POU2F1: variants seen among roughly 807,000 people sequenced by gnomAD.
POU2F1 encodes POU domain, class 2, transcription factor 1.
POU2F1 carries 16 observed loss-of-function variants against 84.9 expected under a neutral mutation model. The observed-to-expected ratio is 0.19, with a 90% CI of 0.13 to 0.29. The LOEUF (loss-of-function observed/expected upper bound fraction) is 0.29. POU2F1 is among the 10% of genes least tolerant of loss of function. The pLI is 1.00. For missense variants in POU2F1, 738 were observed against 942.6 expected (o/e 0.78, Z 2.84); for synonymous variants, 368 against 368.3 (o/e 1.00, Z 0.01).
intron 1 of POU2F1, among the ~76,000 whole-genome samples, chr1:167,285,142 G>A (rs1036937978): frequency 2.0e-5 from 3 of 152,160 alleles, no homozygotes; most frequent in African/African-American, 7.2e-5. Context: ...AGGACAATCA[G>A]CCTGAATCTT....
chr1:167,331,291 A>AT (rs1406389860), intron 1 of POU2F1, among the ~76,000 whole-genome samples: 13 of 151,842 alleles, frequency 8.6e-5, no homozygotes, highest in Non-Finnish European at 1.9e-4. Context: ...AAGACTCCTG[A>AT]TTTTTTTTCT....
chr1:167,293,671 A>G (rs755943291), intron 1 of POU2F1, among the ~76,000 whole-genome samples: 1 of 152,198 alleles, frequency 6.6e-6, no homozygotes, highest in Non-Finnish European at 1.5e-5. Context: ...AAAAAGAACA[A>G]ATCTGGAGGC....
At chr1:167,332,569 T>C in intron 2 of POU2F1, 34 bp downstream of exon 2, 2 of 1,513,104 alleles carry the variant, frequency 1.3e-6, no homozygotes, top group Non-Finnish European at 1.8e-6. Flanking sequence ...TTTAATTAAC[T>C]CTAGTAGAGC....
chr1:167,383,985 A>T (rs1182047428), intron 8 of POU2F1, 34 bp downstream of exon 8: 1 of 1,531,254 alleles, frequency 6.5e-7, no homozygotes, highest in Non-Finnish European at 8.9e-7. Flanking sequence ...GCTTTCTCTT[A>T]TCATATTGTT....
chr1:167,376,179 T>G, intron 7 of POU2F1, 24 bp downstream of exon 7: 1 of 1,613,262 alleles, frequency 6.2e-7, no homozygotes, highest in Non-Finnish European at 8.5e-7. Context: ...TAGAGCTTAT[T>G]AGTGGTATAC....
intron 1 of POU2F1, among the ~76,000 whole-genome samples, chr1:167,271,438 A>G (rs1192883245): frequency 1.3e-5 from 2 of 152,228 alleles, no homozygotes; most frequent in African/African-American, 2.4e-5. Flanking sequence ...TTAAAATTCA[A>G]TGATGGTTGA....
chr1:167,315,433 A>T (rs1218078243), intron 1 of POU2F1, among the ~76,000 whole-genome samples: 2 of 152,116 alleles, frequency 1.3e-5, no homozygotes, highest in Non-Finnish European at 2.9e-5. Context: ...TTAATAACCT[A>T]AAACTTAGAA....
At chr1:167,287,334 G>A (rs1653601180) in intron 1 of POU2F1, among the ~76,000 whole-genome samples, 1 of 152,168 alleles carries the variant, frequency 6.6e-6, no homozygotes, top group Non-Finnish European at 1.5e-5. Context: ...TGCCTCAACT[G>A]GAGCAGAGGC....
At chr1:167,294,197 A>G (rs1202862996) in intron 1 of POU2F1, among the ~76,000 whole-genome samples, 1 of 149,200 alleles carries the variant, frequency 6.7e-6, no homozygotes, top group African/African-American at 2.5e-5. Flanking sequence ...AAAAAAAAAA[A>G]AATTAGCCAG....
At chr1:167,323,368 G>A (rs1656458709) in intron 1 of POU2F1, among the ~76,000 whole-genome samples, 1 of 152,174 alleles carries the variant, frequency 6.6e-6, no homozygotes, top group African/African-American at 2.4e-5. Flanking sequence ...TTTAAAGAAT[G>A]CCAGATTGTT....
chr1:167,338,680 C>T (rs1486907984), intron 2 of POU2F1, among the ~76,000 whole-genome samples: 2 of 152,250 alleles, frequency 1.3e-5, no homozygotes. Flanking sequence ...CCCCATTCTT[C>T]CCTCTCCTCC....
intron 1 of POU2F1, among the ~76,000 whole-genome samples, chr1:167,233,011 A>G (rs1362931432): frequency 1.3e-5 from 2 of 152,066 alleles, no homozygotes; most frequent in Non-Finnish European, 2.9e-5. Context: ...TCATTGACTC[A>G]CCCAAAGCAA....
intron 13 of POU2F1, among the ~76,000 whole-genome samples, chr1:167,403,020 A>G (rs1273213241): frequency 6.6e-6 from 1 of 152,220 alleles, no homozygotes; most frequent in Non-Finnish European, 1.5e-5. Flanking sequence ...AATTTTAGAG[A>G]GATTTTAATA....
chr1:167,312,237 AT>A (rs71572443), intron 1 of POU2F1, among the ~76,000 whole-genome samples: 107 of 132,704 alleles, frequency 8.1e-4, no homozygotes, highest in Middle Eastern at 4.6e-3. Flanking sequence ...TGCCCAGCCA[AT>A]TTTTTTTTTT....
chr1:167,329,126 T>G, intron 1 of POU2F1: 2 of 1,354,508 alleles, frequency 1.5e-6, no homozygotes, highest in South Asian at 3.2e-5. Flanking sequence ...CTTTTCCCCT[T>G]AATCCACTTT....
chr1:167,242,096 G>C (rs1373441731), intron 1 of POU2F1, among the ~76,000 whole-genome samples: 2 of 152,128 alleles, frequency 1.3e-5, no homozygotes, highest in Non-Finnish European at 2.9e-5. Flanking sequence ...TTACCTGTTA[G>C]GTGCTAAAAT....
At chr1:167,394,744 G>A (rs1040133409) in intron 9 of POU2F1, among the ~76,000 whole-genome samples, 3 of 152,172 alleles carry the variant, frequency 2.0e-5, no homozygotes, top group Non-Finnish European at 2.9e-5. Flanking sequence ...TATTCTGGGT[G>A]CCTCATTTTG....
intron 1 of POU2F1, among the ~76,000 whole-genome samples, chr1:167,276,485 G>A (rs1383854868): frequency 3.3e-5 from 5 of 151,980 alleles, no homozygotes; most frequent in African/African-American, 1.2e-4. Flanking sequence ...TGTTATATAG[G>A]GTTCAATACT....
chr1:167,415,740 ACT>A lies in POU2F1; in HGVS notation c.2238_2239del (p.Phe747HisfsTer46). ...TCCACCTCTGCTGAGTCCATCCAGA[ACT>A]CTCTCTTCACAGTGGCCTCTGCCAG... On this transcript the variant is annotated frameshift_variant, in exon 16 of 16. Coordinates refer to ENST00000367866, the MANE Select transcript of POU2F1 (RefSeq NM_002697.4). LOFTEE classifies it high-confidence loss of function. The A allele has an allele frequency of 1.2e-6, 2 of 1,613,788 alleles. No individual in the cohort carries two copies. Among genetic ancestry groups the A allele is most frequent in the Non-Finnish European group, 1.7e-6 (2 of 1,179,944 alleles).
Sources: allele counts gnomAD v4.1 joint callset (sites outside exome capture counted in the v4.1 genomes callset), GRCh38; gene constraint gnomAD v4.1.1; transcripts MANE v1.5; gene names NCBI Gene and HGNC (gene_info 2026-07-23, HGNC 2026-07-21).